The following GLDC variants were observed in gnomAD, a reference collection of about 807,000 sequenced individuals.
The protein encoded by GLDC is glycine decarboxylase, also known as glycine dehydrogenase (decarboxylating), mitochondrial.
GLDC carries 104 observed loss-of-function variants against 121.3 expected under a neutral mutation model. That is an observed-to-expected ratio of 0.86 (90% CI 0.73 to 1.01). The LOEUF (loss-of-function observed/expected upper bound fraction) is 1.01, where lower values mean the gene tolerates loss of function less well. Ranked by LOEUF, GLDC falls within the 50% of genes least tolerant of loss-of-function variation. GLDC has a pLI of 0.00. For synonymous variants in GLDC, 546 were observed against 480.6 expected (o/e 1.14, Z -1.78); for missense variants, 1,429 against 1,306.6 (o/e 1.09, Z -1.44).
intron 8 of GLDC, among the ~76,000 whole-genome samples, chr9:6,599,285 A>C (rs573590684): frequency 6.6e-6 from 1 of 152,304 alleles, no homozygotes; most frequent in African/African-American, 2.4e-5. Flanking sequence ...TGAGGCCCTA[A>C]ATGGACTTAT....
At chr9:6,633,853 G>A (rs113928846) in intron 2 of GLDC, among the ~76,000 whole-genome samples, 27,756 of 99,600 alleles carry the variant, frequency 0.28, 5,576 homozygotes, top group African/African-American at 0.47. Flanking sequence ...TTTTTGAGAC[G>A]GAGTCTCACT....
At chr9:6,575,458 C>A (rs1206764700) in intron 15 of GLDC, among the ~76,000 whole-genome samples, 1 of 152,178 alleles carries the variant, frequency 6.6e-6, no homozygotes, top group African/African-American at 2.4e-5. Flanking sequence ...TTCTGGGGCC[C>A]TACTCCAGAC....
chr9:6,546,305 GC>G (rs1187446158), intron 21 of GLDC, among the ~76,000 whole-genome samples: 1 of 150,892 alleles, frequency 6.6e-6, no homozygotes, highest in Non-Finnish European at 1.5e-5. Context: ...CAATCCTCCT[GC>G]CTCAACCTTC....
At chr9:6,622,228 C>A (rs1041049202) in intron 2 of GLDC, among the ~76,000 whole-genome samples, 1 of 151,390 alleles carries the variant, frequency 6.6e-6, no homozygotes, top group African/African-American at 2.4e-5. Flanking sequence ...AATAAATTCA[C>A]AAGAGATATG....
chr9:6,600,998 C>T (rs1440616158), intron 8 of GLDC, among the ~76,000 whole-genome samples: 1 of 152,118 alleles, frequency 6.6e-6, no homozygotes, highest in East Asian at 1.9e-4. Flanking sequence ...GATGGTGAAA[C>T]CCCGTCTCTA....
At chr9:6,572,633 A>C (rs949358169) in intron 15 of GLDC, among the ~76,000 whole-genome samples, 2 of 152,198 alleles carry the variant, frequency 1.3e-5, no homozygotes, top group Non-Finnish European at 2.9e-5. Context: ...GGACAGACCA[A>C]AGGAATGGGA....
chr9:6,574,896 G>A (rs141978008), intron 15 of GLDC, among the ~76,000 whole-genome samples: 51 of 152,182 alleles, frequency 3.4e-4, no homozygotes, highest in African/African-American at 1.2e-3. Flanking sequence ...GTGGGCTTTT[G>A]ACCCTCCCTG....
At chr9:6,612,026 C>G (rs535516657) in intron 3 of GLDC, among the ~76,000 whole-genome samples, 146 of 152,066 alleles carry the variant, frequency 9.6e-4, no homozygotes, top group Non-Finnish European at 1.3e-3. Flanking sequence ...TTGTATGACC[C>G]CATTTCTGTT....
intron 18 of GLDC, among the ~76,000 whole-genome samples, chr9:6,555,537 G>C (rs1445847557): frequency 6.6e-6 from 1 of 152,032 alleles, no homozygotes; most frequent in Non-Finnish European, 1.5e-5. Flanking sequence ...GGGAAGCTGA[G>C]GCAGGTGGAT....
intron 22 of GLDC, among the ~76,000 whole-genome samples, chr9:6,539,594 C>G (rs1159151651): frequency 5.3e-5 from 8 of 152,192 alleles, no homozygotes; most frequent in Non-Finnish European, 1.5e-5. Flanking sequence ...GGTAAAGTGT[C>G]CGTGTCTTTC....
intron 16 of GLDC, among the ~76,000 whole-genome samples, chr9:6,559,516 TAAA>T (rs56198084): frequency 0.021 from 1,737 of 83,270 alleles, 49 homozygotes; most frequent in African/African-American, 0.079. Context: ...ACTCCGTATT[TAAA>T]AAAAAAAAAA....
intron 10 of GLDC, among the ~76,000 whole-genome samples, chr9:6,592,630 C>G (rs1366993405): frequency 6.6e-6 from 1 of 152,136 alleles, no homozygotes; most frequent in Non-Finnish European, 1.5e-5. Context: ...GCATTTCAGT[C>G]CCACATATGA....
chr9:6,642,110 C>G (rs773700440), intron 2 of GLDC, among the ~76,000 whole-genome samples: 29 of 152,166 alleles, frequency 1.9e-4, no homozygotes, highest in Non-Finnish European at 3.7e-4. Context: ...TTCCAAGAAA[C>G]AAGCTTTGTT....
At chr9:6,544,796 T>A (rs1179628502) in intron 21 of GLDC, among the ~76,000 whole-genome samples, 1 of 152,168 alleles carries the variant, frequency 6.6e-6, no homozygotes, top group African/African-American at 2.4e-5. Flanking sequence ...TTTTTGCAAT[T>A]CTTCCTTTAA....
At chr9:6,631,757 A>T (rs1275221333) in intron 2 of GLDC, among the ~76,000 whole-genome samples, 30 of 152,210 alleles carry the variant, frequency 2.0e-4, no homozygotes, top group Admixed American at 2.0e-3. Flanking sequence ...TGAGAAAAAG[A>T]TAATTTTTTA....
At chr9:6,597,348 A>G (rs1039332412) in intron 8 of GLDC, among the ~76,000 whole-genome samples, 5 of 152,220 alleles carry the variant, frequency 3.3e-5, no homozygotes, top group Admixed American at 3.3e-4. Context: ...TGAGCTGTAT[A>G]CTTGCAATTG....
intron 2 of GLDC, among the ~76,000 whole-genome samples, chr9:6,633,433 T>C (rs1819432004): frequency 6.6e-6 from 1 of 152,166 alleles, no homozygotes; most frequent in African/African-American, 2.4e-5. Flanking sequence ...TTTGCAACTT[T>C]TGCTTCAACT....
At chr9:6,541,966 G>A (rs1817273991) in intron 21 of GLDC, 1 of 151,520 alleles carries the variant, frequency 6.6e-6, no homozygotes, top group African/African-American at 2.4e-5. Flanking sequence ...TAGGGGCCAG[G>A]CGCGGTGGCT....
At chr9:6,612,748 G>A (rs1818885041) in intron 3 of GLDC, among the ~76,000 whole-genome samples, 1 of 152,184 alleles carries the variant, frequency 6.6e-6, no homozygotes, top group Admixed American at 6.5e-5. Context: ...TGTAGTCCCA[G>A]CTACTTGGGA....
Sources: gnomAD v4.1 joint callset for allele counts (sites outside exome capture counted in the v4.1 genomes callset) on GRCh38, gnomAD v4.1.1 for gene constraint, MANE v1.5 for transcripts, NCBI Gene and HGNC (gene_info 2026-07-23, HGNC 2026-07-21) for gene names.